Variants in TUSC3 observed in about 807,000 individuals in gnomAD.
TUSC3 encodes dolichyl-diphosphooligosaccharide--protein glycosyltransferase subunit TUSC3.
A neutral mutation model predicts 44.8 loss-of-function variants in TUSC3; 45 were observed. That is an observed-to-expected ratio of 1.00 (90% CI 0.79 to 1.29). The LOEUF is 1.29. Among genes scored for constraint, TUSC3 ranks in the 50% most tolerant of loss-of-function variants. The probability of loss-of-function intolerance (pLI) is 0.00; values close to 1 mark genes in which losing one functional copy is unlikely to be tolerated. For missense variants in TUSC3, 519 were observed against 437.9 expected (o/e 1.19, Z -1.65); for synonymous variants, 212 against 152.9 (o/e 1.39, Z -2.85).
At chr8:15,821,757 T>C in the TUSC3 span, among the ~76,000 whole-genome samples, 1 of 149,778 alleles carries the variant, frequency 6.7e-6, no homozygotes, top group Non-Finnish European at 1.5e-5. Context: ...CCCACAGATA[T>C]GGGTAATTTC....
chr8:15,753,890 C>G (rs1811812584), intron 9 of TUSC3, among the ~76,000 whole-genome samples: 1 of 151,766 alleles, frequency 6.6e-6, no homozygotes, highest in Non-Finnish European at 1.5e-5. Context: ...AAGCAAGTGT[C>G]AAAGAGGGAA....
intron 1 of TUSC3, among the ~76,000 whole-genome samples, chr8:15,463,447 C>T (rs746033259): frequency 5.3e-5 from 8 of 151,976 alleles, no homozygotes; most frequent in Non-Finnish European, 7.4e-5. Flanking sequence ...TGTTTATTAC[C>T]GGTGTCATAA....
intron 3 of TUSC3, among the ~76,000 whole-genome samples, chr8:15,655,354 A>T (rs906787713): frequency 3.3e-5 from 5 of 152,214 alleles, no homozygotes; most frequent in African/African-American, 4.8e-5. Flanking sequence ...CTAGTAAGGG[A>T]AAAATGCCTC....
intron 4 of TUSC3, 144 bp downstream of exon 4, chr8:15,659,791 G>A: frequency 9.5e-7 from 1 of 1,047,594 alleles, no homozygotes; most frequent in East Asian, 2.5e-5. Flanking sequence ...TACTGCAAAT[G>A]ATAAGTTGGA....
At chr8:15,820,891 G>C in the TUSC3 span, among the ~76,000 whole-genome samples, 2 of 152,126 alleles carry the variant, frequency 1.3e-5, no homozygotes, top group Non-Finnish European at 2.9e-5. Flanking sequence ...TTGTGAGGTT[G>C]CAATGTATGT....
the TUSC3 span, among the ~76,000 whole-genome samples, chr8:15,810,663 G>A: frequency 6.6e-6 from 1 of 152,016 alleles, no homozygotes; most frequent in Admixed American, 6.6e-5. Flanking sequence ...GGGCGGGAAA[G>A]AAAATCAAAA....
chr8:15,436,849 G>A (rs1048681438), intron 1 of TUSC3, among the ~76,000 whole-genome samples: 10 of 152,184 alleles, frequency 6.6e-5, no homozygotes, highest in African/African-American at 2.4e-4. Context: ...AAGAGGCACA[G>A]TCTGAAGTAT....
intron 2 of TUSC3, among the ~76,000 whole-genome samples, chr8:15,500,503 A>G (rs1009118500): frequency 6.6e-6 from 1 of 152,182 alleles, no homozygotes. Context: ...CACTGTTAAC[A>G]CACAAAAAAG....
At chr8:15,669,474 T>C (rs547737112) in intron 5 of TUSC3, among the ~76,000 whole-genome samples, 2 of 151,904 alleles carry the variant, frequency 1.3e-5, no homozygotes, top group East Asian at 1.9e-4. Flanking sequence ...CTCATGGATA[T>C]AGATGCATTT....
chr8:15,504,529 C>T (rs1167978393), intron 2 of TUSC3, among the ~76,000 whole-genome samples: 3 of 133,430 alleles, frequency 2.2e-5, no homozygotes, highest in African/African-American at 8.3e-5. Context: ...GGTTGCCAAA[C>T]AGAATTCCTA....
At chr8:15,633,094 ATG>A (rs376886918) in intron 2 of TUSC3, among the ~76,000 whole-genome samples, 3 of 151,148 alleles carry the variant, frequency 2.0e-5, no homozygotes, top group East Asian at 3.9e-4. Flanking sequence ...TTCTGTGGGG[ATG>A]TGTGTGTGTA....
intron 5 of TUSC3, among the ~76,000 whole-genome samples, chr8:15,669,243 A>G (rs945379733): frequency 6.6e-6 from 1 of 151,870 alleles, no homozygotes; most frequent in Admixed American, 6.6e-5. Flanking sequence ...TCCAGTATGG[A>G]TTGAATCCAT....
intron 1 of TUSC3, among the ~76,000 whole-genome samples, chr8:15,582,066 G>A (rs886408022): frequency 6.6e-5 from 10 of 152,052 alleles, no homozygotes; most frequent in Non-Finnish European, 1.2e-4. Context: ...GCAGTGACCC[G>A]ATTTTCCAGG....
chr8:15,597,623 G>A (rs1804124910), intron 1 of TUSC3, among the ~76,000 whole-genome samples: 1 of 152,064 alleles, frequency 6.6e-6, no homozygotes, highest in South Asian at 2.1e-4. Flanking sequence ...TAAGCTTTGA[G>A]CATTGGATAT....
intron 1 of TUSC3, among the ~76,000 whole-genome samples, chr8:15,443,503 A>G (rs1800050052): frequency 6.6e-6 from 1 of 152,114 alleles, no homozygotes; most frequent in South Asian, 2.1e-4. Context: ...TTTGAAAATT[A>G]TGACTGAGAC....
At chr8:15,841,274 G>A in the TUSC3 span, among the ~76,000 whole-genome samples, 19 of 152,102 alleles carry the variant, frequency 1.2e-4, no homozygotes, top group East Asian at 2.7e-3. Flanking sequence ...AGTAGACTAG[G>A]AATTGGATTA....
At chr8:15,732,523 G>A (rs1411225264) in intron 7 of TUSC3, among the ~76,000 whole-genome samples, 1 of 151,492 alleles carries the variant, frequency 6.6e-6, no homozygotes, top group African/African-American at 2.4e-5. Flanking sequence ...AGCAGCGTGA[G>A]AACAAATACA....
At chr8:15,580,516 G>T (rs1400618495) in intron 1 of TUSC3, among the ~76,000 whole-genome samples, 2 of 57,218 alleles carry the variant, frequency 3.5e-5, no homozygotes, top group African/African-American at 1.3e-4. Context: ...AGGCCTGGTG[G>T]TGACAAAATC....
chr8:15,536,700 AAAAAAAAAAAAAAAAAAAAAAAAAG>A (rs1801527650), upstream of TUSC3, among the ~76,000 whole-genome samples: 2 of 84,140 alleles, frequency 2.4e-5, no homozygotes, highest in Non-Finnish European at 2.5e-5. Flanking sequence ...AAAAAAAAAA[AAAAAAAAAAAAAAAAAAAAAAAAAG>A]AATGCAGGAA....
Sources: allele counts gnomAD v4.1 joint callset (sites outside exome capture counted in the v4.1 genomes callset), GRCh38; gene constraint gnomAD v4.1.1; transcripts MANE v1.5; gene names NCBI Gene and HGNC (gene_info 2026-07-23, HGNC 2026-07-21).